Variants in FGF14 observed in about 807,000 individuals in gnomAD.
FGF14 encodes the protein fibroblast growth factor 14, also known as fibroblast growth factor homologous factor 4.
FGF14 carries 5 observed loss-of-function variants against 25.5 expected under a neutral mutation model. The ratio of observed to expected loss-of-function variants is 0.20; its 90% CI spans 0.10 to 0.41. The LOEUF (loss-of-function observed/expected upper bound fraction) is 0.41, where lower values mean the gene tolerates loss of function less well. Ranked by LOEUF, FGF14 falls within the 10% of genes least tolerant of loss-of-function variation. The probability of loss-of-function intolerance (pLI) is 1.00; values close to 1 mark genes in which losing one functional copy is unlikely to be tolerated. For synonymous variants in FGF14, 138 were observed against 118.3 expected (o/e 1.17, Z -1.08); for missense variants, 222 against 320.1 (o/e 0.69, Z 2.34).
chr13:102,067,845 T>TTGGGTTAA (rs1159102501), intron 1 of FGF14, among the ~76,000 whole-genome samples: 4 of 151,970 alleles, frequency 2.6e-5, no homozygotes, highest in African/African-American at 9.7e-5. Flanking sequence ...CAAATAAGAC[T>TTGGGTTAA]ACCTTAACAC....
At chr13:102,048,595 T>C (rs974371505) in intron 1 of FGF14, among the ~76,000 whole-genome samples, 3 of 152,194 alleles carry the variant, frequency 2.0e-5, no homozygotes, top group African/African-American at 7.2e-5. Context: ...TTTCCACTCC[T>C]CATCCTATCT....
chr13:102,340,663 A>G (rs1431492770), intron 1 of FGF14, among the ~76,000 whole-genome samples: 1 of 152,234 alleles, frequency 6.6e-6, no homozygotes. Flanking sequence ...AGAAATAGAG[A>G]AAGTGTCCAA....
At chr13:101,980,813 G>T (rs1299573129) in intron 1 of FGF14, among the ~76,000 whole-genome samples, 2 of 152,118 alleles carry the variant, frequency 1.3e-5, no homozygotes, top group Non-Finnish European at 2.9e-5. Context: ...ATCCAGGCCA[G>T]GTATTATGGT....
chr13:102,154,680 C>T (rs868867566), intron 1 of FGF14, among the ~76,000 whole-genome samples: 16 of 151,962 alleles, frequency 1.1e-4, no homozygotes, highest in Admixed American at 2.0e-4. Flanking sequence ...TAACCTTAAA[C>T]GTAAATGGGC....
At chr13:101,856,812 C>T (rs536815778) in intron 3 of FGF14, among the ~76,000 whole-genome samples, 1 of 152,042 alleles carries the variant, frequency 6.6e-6, no homozygotes, top group South Asian at 2.1e-4. Flanking sequence ...TTGATTTCTT[C>T]AAAGCTATGT....
intron 1 of FGF14, among the ~76,000 whole-genome samples, chr13:102,152,723 T>C (rs1221225357): frequency 6.6e-6 from 1 of 152,186 alleles, no homozygotes; most frequent in African/African-American, 2.4e-5. Flanking sequence ...AGTTATGCCA[T>C]GTTCCGCTTT....
At chr13:102,258,773 G>C (rs2052573118) in intron 1 of FGF14, among the ~76,000 whole-genome samples, 1 of 152,128 alleles carries the variant, frequency 6.6e-6, no homozygotes, top group Non-Finnish European at 1.5e-5. Flanking sequence ...TAAGTGAATG[G>C]AGGAACATGC....
chr13:102,012,312 T>C (rs16959584), intron 1 of FGF14, among the ~76,000 whole-genome samples: 4,813 of 152,258 alleles, frequency 0.032, 246 homozygotes, highest in African/African-American at 0.11. Flanking sequence ...TTCTCACTCC[T>C]GTGCTTGAGT....
chr13:101,753,284 GACACACACAGACAGAC>G (rs1251067676), intron 3 of FGF14, among the ~76,000 whole-genome samples: 10 of 116,158 alleles, frequency 8.6e-5, no homozygotes, highest in Admixed American at 4.0e-4. Context: ...CACACACACA[GACACACACAGACAGAC>G]ACACACACAC....
chr13:101,837,215 A>G (rs557612231), intron 3 of FGF14, among the ~76,000 whole-genome samples: 2 of 151,772 alleles, frequency 1.3e-5, no homozygotes, highest in African/African-American at 4.8e-5. Context: ...TTTGTGTGCC[A>G]TCTTGGTCAT....
intron 1 of FGF14, among the ~76,000 whole-genome samples, chr13:102,068,591 C>G (rs543298366): frequency 1.3e-5 from 2 of 152,336 alleles, no homozygotes; most frequent in African/African-American, 4.8e-5. Context: ...CTGCCAGCCC[C>G]GGGCAGTGAG....
chr13:102,144,551 T>A (rs1594132711), intron 1 of FGF14, among the ~76,000 whole-genome samples: 1 of 148,276 alleles, frequency 6.7e-6, no homozygotes, highest in East Asian at 2.0e-4. Flanking sequence ...TAGTTATATA[T>A]AAATAAAAGA....
At chr13:101,881,405 T>C (rs947259810) in intron 1 of FGF14, among the ~76,000 whole-genome samples, 2 of 152,210 alleles carry the variant, frequency 1.3e-5, no homozygotes, top group East Asian at 3.8e-4. Flanking sequence ...TCCCACCTTA[T>C]TTATTCATCA....
chr13:102,037,542 T>A (rs190803455), intron 1 of FGF14, among the ~76,000 whole-genome samples: 12 of 152,058 alleles, frequency 7.9e-5, no homozygotes, highest in African/African-American at 2.7e-4. Flanking sequence ...CCTAACATAA[T>A]CACATCTGCA....
At chr13:101,853,423 T>C (rs1461572185) in intron 3 of FGF14, among the ~76,000 whole-genome samples, 1 of 152,040 alleles carries the variant, frequency 6.6e-6, no homozygotes, top group Non-Finnish European at 1.5e-5. Flanking sequence ...TGCACAAAAA[T>C]ACTTCAGTGT....
intron 1 of FGF14, among the ~76,000 whole-genome samples, chr13:101,905,125 G>A (rs1330433434): frequency 1.3e-5 from 2 of 152,162 alleles, no homozygotes; most frequent in African/African-American, 2.4e-5. Context: ...GAAAGGAGTG[G>A]AGGCAGATCT....
intron 3 of FGF14, among the ~76,000 whole-genome samples, chr13:101,727,854 AATAG>A (rs1322134718): frequency 1.1e-4 from 17 of 152,282 alleles, no homozygotes; most frequent in African/African-American, 4.1e-4. Context: ...ATAGATGGAA[AATAG>A]ATCCTTACTG....
chr13:101,786,287 C>G (rs1242718910), intron 3 of FGF14, among the ~76,000 whole-genome samples: 1 of 152,168 alleles, frequency 6.6e-6, no homozygotes, highest in Admixed American at 6.5e-5. Context: ...GGAATTTTTA[C>G]ATAGGGAAAG....
intron 1 of FGF14, among the ~76,000 whole-genome samples, chr13:102,121,807 C>G (rs1013608531): frequency 1.3e-5 from 2 of 152,208 alleles, no homozygotes; most frequent in Admixed American, 6.5e-5. Flanking sequence ...GTAAATTCAT[C>G]AGGCTCCTAA....
Sources: allele counts gnomAD v4.1 joint callset (sites outside exome capture counted in the v4.1 genomes callset), GRCh38; gene constraint gnomAD v4.1.1; transcripts MANE v1.5; gene names NCBI Gene and HGNC (gene_info 2026-07-23, HGNC 2026-07-21).